The following PCSK6 variants were observed in gnomAD, a reference collection of about 807,000 sequenced individuals.
The protein encoded by PCSK6 is paired basic amino acid cleaving enzyme 4.
Under a neutral mutation model 123.3 loss-of-function variants are expected in PCSK6, and 85 were observed. The observed-to-expected ratio is 0.69, with a 90% confidence interval of 0.58 to 0.83. The LOEUF (loss-of-function observed/expected upper bound fraction) is 0.83, where lower values mean the gene tolerates loss of function less well. Ranked by LOEUF, PCSK6 falls within the 40% of genes least tolerant of loss-of-function variation. The pLI is 0.00. For synonymous variants in PCSK6, 508 were observed against 516.0 expected (o/e 0.98, Z 0.21); for missense variants, 1,191 against 1,282.3 (o/e 0.93, Z 1.09).
chr15:101,424,249 AAG>A (rs2056179889), intron 6 of PCSK6, among the ~76,000 whole-genome samples: 1 of 152,062 alleles, frequency 6.6e-6, no homozygotes, highest in African/African-American at 2.4e-5. Flanking sequence ...AAAAAAAAAA[AAG>A]GAGCCATAGG....
intron 1 of PCSK6, among the ~76,000 whole-genome samples, chr15:101,451,549 T>C (rs183990260): frequency 9.7e-4 from 147 of 151,292 alleles, no homozygotes; most frequent in African/African-American, 3.5e-3. Context: ...ATGAGGCTTC[T>C]GACTTTGCAA....
At chr15:101,332,367 T>TCGATGCTGCCTCCCC (rs1473673616) in intron 13 of PCSK6, among the ~76,000 whole-genome samples, 3 of 152,232 alleles carry the variant, frequency 2.0e-5, no homozygotes, top group Non-Finnish European at 2.9e-5. Flanking sequence ...GCAGCCTCCC[T>TCGATGCTGCCTCCCC]CGATGCTGCC....
In PCSK6 at chr15:101,427,834, C is replaced by T. The variant is rs1230368090; in HGVS notation, c.823+58G>A. 6.3e-5 allele frequency: 85 copies of T among 1,349,156 alleles called. 1 individual carries two copies. In the South Asian group the frequency reaches 9.8e-4, roughly 16 times the overall value. 83.6% of individuals were successfully genotyped at this position (1,349,156 alleles called of 1,614,324 possible). ...GCTGCTGAGACCAGCGGACAGGGAG[C>T]TCCCAGCTGCCCCTGCCCCAGGCCC... On this transcript the variant is annotated intron_variant, in intron 6 of 21. Coordinates refer to ENST00000611716, the MANE Select transcript of PCSK6 (RefSeq NM_002570.5).
At chr15:101,319,374 T>G (rs892457228) in intron 18 of PCSK6, among the ~76,000 whole-genome samples, 2 of 152,082 alleles carry the variant, frequency 1.3e-5, no homozygotes, top group Non-Finnish European at 2.9e-5. Flanking sequence ...ACACTGGGAT[T>G]TATAATAAGA....
At position 101,382,640 on chromosome 15, in the gene PCSK6, G is replaced by A. The variant is rs76786026; in HGVS notation, c.1415-431C>T. Among the ~76,000 whole-genome samples, 1,307 of 152,208 alleles carry A rather than the reference G, an allele frequency of 8.6e-3. 25 individuals are homozygous for A. Among genetic ancestry groups the A allele is most frequent in the African/African-American group, 0.029 (1,204 of 41,534 alleles). ...ACGTGCCCGAAATGCAATAACACAA[G>A]GCTGTACTCATCTTTTTTGCCATTT... On this transcript the variant is annotated intron_variant, in intron 10 of 21. Transcript: ENST00000611716.
At chr15:101,433,210 G>A (rs2056500340) in intron 2 of PCSK6, among the ~76,000 whole-genome samples, 1 of 152,210 alleles carries the variant, frequency 6.6e-6, no homozygotes. Context: ...CACCCACACA[G>A]TGGGGACAGT....
intron 12 of PCSK6, among the ~76,000 whole-genome samples, chr15:101,367,635 A>G (rs760807116): frequency 6.6e-6 from 1 of 152,042 alleles, no homozygotes; most frequent in Non-Finnish European, 1.5e-5. Flanking sequence ...GCTGAGGCAC[A>G]TCAATGGCTT....
At chr15:101,341,869 C>T (rs1055231253) in intron 13 of PCSK6, among the ~76,000 whole-genome samples, 1 of 152,080 alleles carries the variant, frequency 6.6e-6, no homozygotes, top group Non-Finnish European at 1.5e-5. Flanking sequence ...AGACAACACC[C>T]TTATAATCCC....
At chr15:101,379,596 C>T (rs1477165888) in intron 11 of PCSK6, among the ~76,000 whole-genome samples, 1 of 152,182 alleles carries the variant, frequency 6.6e-6, no homozygotes, top group Non-Finnish European at 1.5e-5. Flanking sequence ...AGGTTCAGGA[C>T]ATTCAGGAAG....
intron 13 of PCSK6, chr15:101,347,236 G>A (rs895241378): frequency 4.9e-6 from 6 of 1,232,212 alleles, no homozygotes; most frequent in African/African-American, 3.1e-5. Context: ...TTGAGCCATC[G>A]AACACAGATT....
At chr15:101,313,092 C>T (rs916622464) in intron 20 of PCSK6, 128 of 1,356,816 alleles carry the variant, frequency 9.4e-5, no homozygotes, top group Non-Finnish European at 1.1e-4. Context: ...TGGGCAGGGA[C>T]GTCCCGCGTA....
chr15:101,399,554 C>T (rs887695073), intron 6 of PCSK6, among the ~76,000 whole-genome samples: 1 of 152,200 alleles, frequency 6.6e-6, no homozygotes, highest in Non-Finnish European at 1.5e-5. Context: ...CAGGGGCGTC[C>T]CTTCTTGCCT....
At chr15:101,411,327 G>A (rs1183585028) in intron 6 of PCSK6, among the ~76,000 whole-genome samples, 1 of 152,158 alleles carries the variant, frequency 6.6e-6, no homozygotes, top group Admixed American at 6.5e-5. Flanking sequence ...CAGCAGCAGA[G>A]TCATCTTGAG....
In PCSK6 at chr15:101,489,361, C is replaced by T. The variant is rs761683740; in HGVS notation, c.297+13G>A. 2 of 1,169,044 alleles carry T rather than the reference C, an allele frequency of 1.7e-6. No homozygotes were observed. Among genetic ancestry groups the T allele is most frequent in the South Asian group, 2.2e-5 (1 of 45,460 alleles). The allele number at this position is 1,169,044 out of a possible 1,614,324, so 72.4% of individuals were successfully genotyped here. On this transcript the variant is annotated intron_variant, in intron 1 of 21. Transcript: ENST00000611716. ...CGGGAAAGTTTTGGGCGCGCGGGGC[C>T]GGCCGCACTCACCTGGCCCAAGTTG...
chr15:101,334,909 G>T (rs1596195658), intron 13 of PCSK6, among the ~76,000 whole-genome samples: 2 of 152,140 alleles, frequency 1.3e-5, no homozygotes, highest in Non-Finnish European at 2.9e-5. Flanking sequence ...ATGGAAGAGA[G>T]ACTTCATTAT....
intron 1 of PCSK6, among the ~76,000 whole-genome samples, chr15:101,479,509 G>A (rs1052507422): frequency 6.6e-6 from 1 of 152,208 alleles, no homozygotes; most frequent in African/African-American, 2.4e-5. Context: ...AGCAGGCCCG[G>A]CCTCGGCTGT....
At chr15:101,465,490 G>A (rs1000933255) in intron 1 of PCSK6, among the ~76,000 whole-genome samples, 3 of 152,214 alleles carry the variant, frequency 2.0e-5, no homozygotes, top group Non-Finnish European at 2.9e-5. Flanking sequence ...ACCCAGGAAC[G>A]GCTGAGGCTC....
chr15:101,468,372 C>G lies in PCSK6; in HGVS notation c.297+21002G>C, dbSNP rs114178207. On this transcript the variant is annotated intron_variant, in intron 1 of 21. Transcript: ENST00000611716. ...AACAGTGAGCCCCACTTTGTTTAAGCCACTATCATCTACTTTTTGCATCTG... is the reference window on the plus strand; with the variant it reads ...AACAGTGAGCCCCACTTTGTTTAAGGCACTATCATCTACTTTTTGCATCTG... 2.7e-3 allele frequency among the ~76,000 whole-genome samples: 412 copies of G among 152,314 alleles called. 3 individuals carry two copies. The highest frequency in any genetic ancestry group is 7.9e-3 in the African/African-American group (328 of 41,566).
intron 6 of PCSK6, among the ~76,000 whole-genome samples, chr15:101,402,844 A>G (rs1312130457): frequency 6.6e-6 from 1 of 152,170 alleles, no homozygotes; most frequent in East Asian, 1.9e-4. Flanking sequence ...TAGTTCAACC[A>G]TTGTGGAAGA....
Sources: allele counts gnomAD v4.1 joint callset (sites outside exome capture counted in the v4.1 genomes callset), GRCh38; gene constraint gnomAD v4.1.1; transcripts MANE v1.5; gene names NCBI Gene and HGNC (gene_info 2026-07-23, HGNC 2026-07-21).